Variants in CLASP1 observed in about 807,000 individuals in gnomAD.
CLASP1 encodes cytoplasmic linker associated protein 1, also known as CLIP-associating protein 1.
Under a neutral mutation model 192.3 loss-of-function variants are expected in CLASP1, and 38 were observed. The ratio of observed to expected loss-of-function variants is 0.20; its 90% CI spans 0.15 to 0.26. The LOEUF (loss-of-function observed/expected upper bound fraction) is 0.26, where lower values mean the gene tolerates loss of function less well. Ranked by LOEUF, CLASP1 falls within the 10% of genes least tolerant of loss-of-function variation. The probability of loss-of-function intolerance (pLI) is 1.00; values close to 1 mark genes in which losing one functional copy is unlikely to be tolerated. For synonymous variants in CLASP1, 691 were observed against 712.8 expected (o/e 0.97, Z 0.49); for missense variants, 1,433 against 1,932.5 (o/e 0.74, Z 4.85).
intron 1 of CLASP1, among the ~76,000 whole-genome samples, chr2:121,635,723 T>A (rs1282317913): frequency 2.0e-5 from 3 of 152,254 alleles, no homozygotes; most frequent in African/African-American, 4.8e-5. Context: ...AATTTTCTAA[T>A]GCTGTTTATT....
chr2:121,466,261 G>A (rs2089554720), intron 9 of CLASP1, among the ~76,000 whole-genome samples: 1 of 152,182 alleles, frequency 6.6e-6, no homozygotes, highest in Non-Finnish European at 1.5e-5. Context: ...AAAGTAAAAT[G>A]TTTTAAAATA....
At chr2:121,550,857 C>G (rs976662027) in intron 2 of CLASP1, among the ~76,000 whole-genome samples, 1 of 152,108 alleles carries the variant, frequency 6.6e-6, no homozygotes, top group African/African-American at 2.4e-5. Flanking sequence ...GGACTCCTAC[C>G]CAACTCATTC....
chr2:121,630,459 T>C (rs552304529), intron 1 of CLASP1, among the ~76,000 whole-genome samples: 3 of 151,674 alleles, frequency 2.0e-5, no homozygotes, highest in Admixed American at 6.6e-5. Context: ...CTTCTGTATC[T>C]AGTACCCATC....
chr2:121,369,324 G>A (rs1263026692), intron 34 of CLASP1, among the ~76,000 whole-genome samples: 1 of 152,090 alleles, frequency 6.6e-6, no homozygotes, highest in East Asian at 1.9e-4. Context: ...TATATGCGTA[G>A]ACAGAAACAA....
At chr2:121,595,652 C>T (rs936804386) in intron 2 of CLASP1, among the ~76,000 whole-genome samples, 4 of 152,192 alleles carry the variant, frequency 2.6e-5, no homozygotes, top group Non-Finnish European at 4.4e-5. Flanking sequence ...TCACAGACTT[C>T]CCAGCCAGCT....
intron 20 of CLASP1, among the ~76,000 whole-genome samples, chr2:121,429,745 A>G (rs960416091): frequency 6.7e-6 from 1 of 149,248 alleles, no homozygotes; most frequent in South Asian, 2.1e-4. Flanking sequence ...AAATTACATC[A>G]GAAGGATTCC....
intron 34 of CLASP1, among the ~76,000 whole-genome samples, chr2:121,376,347 T>G (rs1454884263): frequency 6.6e-6 from 1 of 152,036 alleles, no homozygotes; most frequent in Admixed American, 6.5e-5. Flanking sequence ...TATTCAGCCA[T>G]AAAAAGAAAT....
chr2:121,394,201 A>G (rs754529512), intron 30 of CLASP1, among the ~76,000 whole-genome samples: 19 of 152,178 alleles, frequency 1.2e-4, no homozygotes, highest in Non-Finnish European at 2.1e-4. Context: ...ATTTTCAAAA[A>G]TGTAATTGAG....
At chr2:121,586,918 G>A (rs2061775696) in intron 2 of CLASP1, among the ~76,000 whole-genome samples, 1 of 152,184 alleles carries the variant, frequency 6.6e-6, no homozygotes, top group Non-Finnish European at 1.5e-5. Context: ...CTAAAATAAA[G>A]TATCCCAGGG....
intron 8 of CLASP1, among the ~76,000 whole-genome samples, chr2:121,485,242 G>T (rs2092891756): frequency 6.6e-6 from 1 of 152,198 alleles, no homozygotes; most frequent in African/African-American, 2.4e-5. Context: ...AATTTGCCTT[G>T]AACAATGAAG....
At chr2:121,466,962 C>A (rs1422394822) in intron 9 of CLASP1, among the ~76,000 whole-genome samples, 1 of 152,134 alleles carries the variant, frequency 6.6e-6, no homozygotes, top group Non-Finnish European at 1.5e-5. Flanking sequence ...GTGATGTGCT[C>A]CCTCCTCCCA....
intron 2 of CLASP1, among the ~76,000 whole-genome samples, chr2:121,582,400 G>T (rs571047559): frequency 6.7e-6 from 1 of 148,648 alleles, no homozygotes; most frequent in East Asian, 2.0e-4. Flanking sequence ...ATGGATGAAT[G>T]GATGGAAGGA....
At position 121,407,714 on chromosome 2, in the gene CLASP1, TTC is replaced by T. The variant is rs771356285; in HGVS notation, c.2425-1_2425del. 6.2e-7 allele frequency: 1 copy of T among 1,613,908 alleles called. No individual in the cohort carries two copies. Among genetic ancestry groups the T allele is most frequent in the Non-Finnish European group, 8.5e-7 (1 of 1,179,830 alleles). ...CTCATATCTCCTCCTCACAGGCTTC[TTC>T]TGACAGGTCCAATGAGGGATGGGAG... is the stretch of plus-strand genomic sequence containing the variant. On this transcript the variant is annotated splice_acceptor_variant and coding_sequence_variant, in exon 25 of 40. Coordinates refer to ENST00000263710, the Ensembl canonical transcript of CLASP1. LOFTEE classifies it high-confidence loss of function.
Position 121,397,176 on chromosome 2 carries a change from G to C in CLASP1, c.3087C>G (p.Thr1029=), listed in dbSNP as rs755753130. Reference sequence around the variant, plus strand: ...CTGAACTCTTTGGTTCTGTTGTCCAGGTTATGATTCTAGAAACAGCAAGCC... The same window carrying C: ...CTGAACTCTTTGGTTCTGTTGTCCACGTTATGATTCTAGAAACAGCAAGCC... The change falls in exon 30 of 40, where the codon ACC becomes ACG. Residue 1029 remains threonine, a synonymous_variant. Coordinates refer to ENST00000263710, the Ensembl canonical transcript of CLASP1. The C allele has an allele frequency of 8.1e-6, 13 of 1,613,740 alleles. 1 individual carries two copies. The South Asian group carries it at 1.4e-4, about 18-fold the overall frequency.
intron 1 of CLASP1, among the ~76,000 whole-genome samples, chr2:121,623,080 ATAAATTTTAAAAAATTAAAGACTATAT>A (rs2067660765): frequency 6.6e-6 from 1 of 152,012 alleles, no homozygotes; most frequent in Non-Finnish European, 1.5e-5. Context: ...CTATATATAT[ATAAATTTTAAAAAATTAAAGACTATAT>A]GTCTTGTTCC....
chr2:121,537,493 C>G (rs2095121194), intron 2 of CLASP1, among the ~76,000 whole-genome samples: 1 of 151,922 alleles, frequency 6.6e-6, no homozygotes, highest in South Asian at 2.1e-4. Flanking sequence ...GCCACAGATT[C>G]AAGAAGCCCA....
chr2:121,430,170 G>A, exon 20 of CLASP1: 1 of 1,564,326 alleles, frequency 6.4e-7, no homozygotes, highest in Non-Finnish European at 8.7e-7. Flanking sequence ...GTCTTGTGCG[G>A]ATCCGACCTG....
intron 2 of CLASP1, chr2:121,530,858 C>CAGCCCAGGGACTTTCTATTATAA (rs1559532627): frequency 1.5e-6 from 1 of 668,650 alleles, no homozygotes; most frequent in Admixed American, 2.1e-5. Context: ...TTCCTGCTTG[C>CAGCCCAGGGACTTTCTATTATAA]AGCCCAGGGA....
At chr2:121,531,158 G>A (rs1004196371) in intron 2 of CLASP1, 2 of 610,756 alleles carry the variant, frequency 3.3e-6, no homozygotes, top group Non-Finnish European at 5.9e-6. Context: ...TGATTAAACG[G>A]GAAGGATTTC....
Sources: allele counts gnomAD v4.1 joint callset (sites outside exome capture counted in the v4.1 genomes callset), GRCh38; gene constraint gnomAD v4.1.1; transcripts MANE v1.5; gene names NCBI Gene and HGNC (gene_info 2026-07-23, HGNC 2026-07-21).